The following C12orf56 variants were observed in gnomAD, a reference collection of about 807,000 sequenced individuals.
The protein encoded by C12orf56 is chromosome 12 open reading frame 56.
Under a neutral mutation model 69.9 loss-of-function variants are expected in C12orf56, and 71 were observed. That is an observed-to-expected ratio of 1.02 (90% CI 0.84 to 1.24). C12orf56 has a LOEUF of 1.24. C12orf56 is among the 50% of genes most tolerant of loss of function. C12orf56 has a pLI of 0.00. For missense variants in C12orf56, 732 were observed against 738.5 expected (o/e 0.99, Z 0.10); for synonymous variants, 276 against 274.1 (o/e 1.01, Z -0.07).
At chr12:64,332,969 A>G (rs2038950808) in intron 2 of C12orf56, among the ~76,000 whole-genome samples, 1 of 152,174 alleles carries the variant, frequency 6.6e-6, no homozygotes, top group African/African-American at 2.4e-5. Flanking sequence ...AGTTTTTTCT[A>G]TTTGGAATTT....
At chr12:64,387,771 C>T (rs1350069841) in intron 1 of C12orf56, among the ~76,000 whole-genome samples, 1 of 151,790 alleles carries the variant, frequency 6.6e-6, no homozygotes, top group African/African-American at 2.4e-5. Flanking sequence ...GAGATCGGGC[C>T]ACTGCACTCC....
chr12:64,374,342 A>G (rs2039612617), intron 1 of C12orf56, among the ~76,000 whole-genome samples: 1 of 152,140 alleles, frequency 6.6e-6, no homozygotes, highest in Admixed American at 6.6e-5. Context: ...TTTCAGCTAA[A>G]CTGGTCCTTG....
chr12:64,268,371 T>C (rs965647651), intron 12 of C12orf56, among the ~76,000 whole-genome samples: 6 of 152,222 alleles, frequency 3.9e-5, no homozygotes, highest in Non-Finnish European at 8.8e-5. Context: ...TGTTTGTATC[T>C]AAGTTTTAAA....
chr12:64,296,667 T>G (rs1030769069), intron 6 of C12orf56, among the ~76,000 whole-genome samples: 3 of 152,220 alleles, frequency 2.0e-5, no homozygotes, highest in African/African-American at 4.8e-5. Context: ...CATGAATTTT[T>G]GGGGCCAAGA....
rs1441300998 is a variant in C12orf56, at chr12:64,265,637, T to A, written c.*1546A>T. The A allele has an allele frequency of 1.3e-5, 2 of 152,188 alleles. No individual in the cohort carries two copies. The highest frequency in any genetic ancestry group is 4.8e-5 in the African/African-American group (2 of 41,434). The allele number at this position is 152,188 out of a possible 1,614,324, so 9.4% of individuals were successfully genotyped here. A position where few individuals can be genotyped will look rare whatever the true frequency, so the allele number is the denominator to read the frequency against. On this transcript the variant is annotated 3_prime_UTR_variant, in exon 13 of 13. Coordinates refer to ENST00000543942, the MANE Select transcript of C12orf56 (RefSeq NM_001170633.2). ...TCAAATAGCTGGTCATTTGGCTCTG[T>A]CAGAACCTGGAATAAAATGTCCTAG...
At chr12:64,384,998 G>A (rs1177353757) in intron 1 of C12orf56, among the ~76,000 whole-genome samples, 1 of 150,810 alleles carries the variant, frequency 6.6e-6, no homozygotes, top group African/African-American at 2.4e-5. Flanking sequence ...AAGTTGCAGT[G>A]AGCCCAGGTC....
rs376585277 is a variant in C12orf56 at position 64,279,789 on chromosome 12, T to C, written c.1311-1986A>G. On this transcript the variant is annotated intron_variant, in intron 8 of 12. Coordinates refer to ENST00000543942, the MANE Select transcript of C12orf56 (RefSeq NM_001170633.2). Reference sequence around the variant, plus strand: ...CTACAGGGTATTTAATAATGTTTTATTCAGGCTATTTAAAATGGCCAATCT... The same window carrying C: ...CTACAGGGTATTTAATAATGTTTTACTCAGGCTATTTAAAATGGCCAATCT... Among the ~76,000 whole-genome samples, 16 of 152,342 alleles carry C rather than the reference T, an allele frequency of 1.1e-4. 1 individual carries two copies. Among genetic ancestry groups the C allele is most frequent in the African/African-American group, 3.4e-4 (14 of 41,584 alleles).
At chr12:64,371,635 A>C (rs149933149) in intron 1 of C12orf56, among the ~76,000 whole-genome samples, 6,009 of 151,934 alleles carry the variant, frequency 0.04, 391 homozygotes, top group African/African-American at 0.14. Context: ...GTTTGAGACC[A>C]GCCCGGCTAA....
chr12:64,368,989 G>A (rs1392646757), intron 1 of C12orf56, among the ~76,000 whole-genome samples: 3 of 151,982 alleles, frequency 2.0e-5, no homozygotes, highest in African/African-American at 7.2e-5. Context: ...AGAACTTAGG[G>A]AGTAACTTGA....
rs115571736 is a variant in C12orf56 at position 64,324,403 on chromosome 12, C to T, written c.489-5423G>A. Among the ~76,000 whole-genome samples, 454 of 152,224 alleles carry T rather than the reference C, an allele frequency of 3.0e-3. 3 individuals are homozygous for T. Among genetic ancestry groups the T allele is most frequent in the African/African-American group, 0.01 (436 of 41,544 alleles). On this transcript the variant is annotated intron_variant, in intron 3 of 12. Transcript: ENST00000543942. ...AAGAAAACTTGTGTGTGTTTGTTGA[C>T]GGGTGGCATACTTCAAACTAGGTGA...
chr12:64,343,193 G>T (rs1258783612), intron 2 of C12orf56, among the ~76,000 whole-genome samples: 2 of 152,100 alleles, frequency 1.3e-5, no homozygotes, highest in Non-Finnish European at 2.9e-5. Flanking sequence ...CCACACCACT[G>T]GACCCCTAGA....
rs914858480 is a variant in C12orf56 at position 64,387,287 on chromosome 12, C to T, written c.252+3027G>A. On this transcript the variant is annotated intron_variant, in intron 1 of 12. Transcript: ENST00000543942. ...TTTGGGGCTTAATTATTCTGCCTATCGCAACTTCCAAAGTTGAACTATATT... is the reference window on the plus strand; with the variant it reads ...TTTGGGGCTTAATTATTCTGCCTATTGCAACTTCCAAAGTTGAACTATATT... Among the ~76,000 whole-genome samples, 16 of 152,198 alleles carry T rather than the reference C, an allele frequency of 1.1e-4. No homozygotes were observed. The Middle Eastern group carries it at 0.01, about 97-fold the overall frequency.
At chr12:64,287,258 A>AG (rs566773723) in intron 6 of C12orf56, among the ~76,000 whole-genome samples, 5,039 of 131,120 alleles carry the variant, frequency 0.038, 76 homozygotes, top group Middle Eastern at 0.092. Flanking sequence ...AAAAAAAAAA[A>AG]AAAAAGAAGA....
chr12:64,388,050 A>G (rs1592511597), intron 1 of C12orf56, among the ~76,000 whole-genome samples: 1 of 151,696 alleles, frequency 6.6e-6, no homozygotes, highest in Non-Finnish European at 1.5e-5. Context: ...GCTCACTGCA[A>G]CCTCTGTCTC....
chr12:64,281,206 G>A (rs2038121029), intron 8 of C12orf56, among the ~76,000 whole-genome samples: 1 of 152,014 alleles, frequency 6.6e-6, no homozygotes, highest in African/African-American at 2.4e-5. Flanking sequence ...CCAGGGGGCG[G>A]AGATTACAGT....
Position 64,337,134 on chromosome 12 carries a change from C to T in C12orf56, c.416-6102G>A, listed in dbSNP as rs147417484. 1.5e-3 allele frequency among the ~76,000 whole-genome samples: 235 copies of T among 152,242 alleles called. 2 individuals are homozygous for T. Among genetic ancestry groups the T allele is most frequent in the Middle Eastern group, 6.8e-3 (2 of 294 alleles). ...TACAGGGACAGATACCTTAAAAAGG[C>T]TCATATATCAACATATCTATATAGA... On this transcript the variant is annotated intron_variant, in intron 2 of 12. Coordinates refer to ENST00000543942, the MANE Select transcript of C12orf56 (RefSeq NM_001170633.2).
At chr12:64,297,116 G>A (rs1211569039) in intron 6 of C12orf56, among the ~76,000 whole-genome samples, 2 of 152,104 alleles carry the variant, frequency 1.3e-5, no homozygotes, top group Non-Finnish European at 2.9e-5. Flanking sequence ...TTCACAGAAC[G>A]TATGTTTTCC....
At chr12:64,379,332 C>A (rs576847203) in intron 1 of C12orf56, among the ~76,000 whole-genome samples, 4 of 151,284 alleles carry the variant, frequency 2.6e-5, no homozygotes, top group Non-Finnish European at 5.9e-5. Context: ...GTCTCCCAGG[C>A]TGGAGTGCAG....
chr12:64,354,722 C>T (rs1032356769), intron 1 of C12orf56, among the ~76,000 whole-genome samples: 2 of 150,320 alleles, frequency 1.3e-5, no homozygotes, highest in African/African-American at 4.9e-5. Context: ...CCGCCTCAGC[C>T]TCCCAAAGTG....
Sources: gnomAD v4.1 joint callset for allele counts (sites outside exome capture counted in the v4.1 genomes callset) on GRCh38, gnomAD v4.1.1 for gene constraint, MANE v1.5 for transcripts, NCBI Gene and HGNC (gene_info 2026-07-23, HGNC 2026-07-21) for gene names.